Variants in CSMD1 observed in about 807,000 individuals in gnomAD.
The protein encoded by CSMD1 is CUB and sushi domain-containing protein 1.
Under a neutral mutation model 417.5 loss-of-function variants are expected in CSMD1, and 213 were observed. That is an observed-to-expected ratio of 0.51 (90% confidence interval 0.46 to 0.57). The LOEUF (loss-of-function observed/expected upper bound fraction) is 0.57. Ranked by LOEUF, CSMD1 falls within the 20% of genes least tolerant of loss-of-function variation. The probability of loss-of-function intolerance (pLI) is 0.00; values close to 1 mark genes in which losing one functional copy is unlikely to be tolerated. For synonymous variants in CSMD1, 2,862 were observed against 1,736.8 expected (o/e 1.65, Z -16.11); for missense variants, 6,923 against 4,529.7 (o/e 1.53, Z -15.17).
At chr8:3,743,525 A>G (rs1186386709) in intron 6 of CSMD1, among the ~76,000 whole-genome samples, 1 of 152,216 alleles carries the variant, frequency 6.6e-6, no homozygotes, top group Non-Finnish European at 1.5e-5. Context: ...GAAAGAAACA[A>G]GGGTGGTTGC....
chr8:3,033,845 T>C (rs1344125820), intron 50 of CSMD1, among the ~76,000 whole-genome samples: 1 of 152,224 alleles, frequency 6.6e-6, no homozygotes, highest in Non-Finnish European at 1.5e-5. Flanking sequence ...CTTGAATTCC[T>C]ACACAGTGAA....
chr8:4,427,204 G>A (rs924419886), intron 2 of CSMD1, among the ~76,000 whole-genome samples: 26 of 152,288 alleles, frequency 1.7e-4, no homozygotes, highest in South Asian at 8.3e-4. Context: ...ACCATCTAAC[G>A]ATTCCTGAGC....
At chr8:3,034,446 G>A (rs534546119) in intron 50 of CSMD1, among the ~76,000 whole-genome samples, 52 of 152,222 alleles carry the variant, frequency 3.4e-4, no homozygotes, top group African/African-American at 1.2e-3. Context: ...AGAAAAACTG[G>A]AAATAGTTCA....
At chr8:4,349,150 G>A (rs1460274175) in intron 3 of CSMD1, among the ~76,000 whole-genome samples, 1 of 152,194 alleles carries the variant, frequency 6.6e-6, no homozygotes, top group African/African-American at 2.4e-5. Flanking sequence ...TACAGAGCTT[G>A]CATATGTGCT....
chr8:3,691,321 C>G (rs1218135337), intron 7 of CSMD1, among the ~76,000 whole-genome samples: 1 of 151,656 alleles, frequency 6.6e-6, no homozygotes, highest in East Asian at 1.9e-4. Flanking sequence ...GAGCCGGGAT[C>G]GTGCCACTGC....
intron 5 of CSMD1, among the ~76,000 whole-genome samples, chr8:3,776,713 T>C (rs1016905772): frequency 2.0e-5 from 3 of 151,348 alleles, no homozygotes; most frequent in Non-Finnish European, 4.4e-5. Context: ...CCTGGAGAGA[T>C]GATAGATACA....
intron 26 of CSMD1, among the ~76,000 whole-genome samples, chr8:3,256,309 G>GAAAAAA (rs61572877): frequency 2.6e-4 from 21 of 81,436 alleles, no homozygotes; most frequent in Middle Eastern, 6.8e-3. Context: ...TAAGTCTCAA[G>GAAAAAA]AAAAAAAAAA....
chr8:3,577,841 T>A (rs60015037), intron 9 of CSMD1, among the ~76,000 whole-genome samples: 4,393 of 152,290 alleles, frequency 0.029, 212 homozygotes, highest in African/African-American at 0.097. Flanking sequence ...CCTCCTTGCA[T>A]CTAGGGTTTT....
intron 61 of CSMD1, 59 bp downstream of exon 61, chr8:2,962,407 G>A: frequency 6.8e-7 from 1 of 1,463,746 alleles, no homozygotes; most frequent in Admixed American, 1.9e-5. Flanking sequence ...ATTTCGGAAT[G>A]AAGCGTCCTC....
chr8:3,936,645 T>A lies in CSMD1; in HGVS notation c.818+61258A>T, dbSNP rs530620796. ...ACGTACTGCTCAGAAAAAGATTCCT[T>A]TCTAAATATTGCTGCTCTTTAACAA... On this transcript the variant is annotated intron_variant, in intron 5 of 69. Transcript: ENST00000635120. Among the ~76,000 whole-genome samples, 8 of 152,262 alleles carry A rather than the reference T, an allele frequency of 5.3e-5. No individual in the cohort carries two copies. In the South Asian group the frequency reaches 1.7e-3, roughly 32 times the overall value.
At chr8:4,708,402 T>A (rs56953396) in intron 1 of CSMD1, among the ~76,000 whole-genome samples, 1 of 152,320 alleles carries the variant, frequency 6.6e-6, no homozygotes, top group East Asian at 1.9e-4. Flanking sequence ...AAACTGAATA[T>A]GTATCTGGTA....
At chr8:3,020,760 A>T (rs1268981093) in intron 51 of CSMD1, among the ~76,000 whole-genome samples, 1 of 152,104 alleles carries the variant, frequency 6.6e-6, no homozygotes, top group Non-Finnish European at 1.5e-5. Flanking sequence ...CACTACCAGA[A>T]ATTGGGAGGT....
At chr8:4,109,196 A>G (rs750190263) in intron 3 of CSMD1, among the ~76,000 whole-genome samples, 6 of 152,198 alleles carry the variant, frequency 3.9e-5, no homozygotes, top group Non-Finnish European at 7.4e-5. Flanking sequence ...AATAGCCAGA[A>G]AAAAATCCTG....
At chr8:3,399,245 C>G in intron 16 of CSMD1, 146 bp downstream of exon 16, 3 of 657,150 alleles carry the variant, frequency 4.6e-6, no homozygotes, top group South Asian at 2.5e-5. Flanking sequence ...ACAAAACTTA[C>G]AAGTAAGTGC....
At chr8:4,339,979 G>A (rs957189820) in intron 3 of CSMD1, among the ~76,000 whole-genome samples, 1 of 152,058 alleles carries the variant, frequency 6.6e-6, no homozygotes, top group Non-Finnish European at 1.5e-5. Context: ...AGCGGTGATA[G>A]CAACACTGCA....
rs142792277 is a variant in CSMD1, at chr8:4,984,214, C to T, written c.85+10118G>A. Reference sequence around the variant, plus strand: ...TCCAGAACAGCAAGAGTAACCATCACAGGACTTGAAGGGAAAATGTTTAAA... The same window carrying T: ...TCCAGAACAGCAAGAGTAACCATCATAGGACTTGAAGGGAAAATGTTTAAA... On this transcript the variant is annotated intron_variant, in intron 1 of 69. Transcript: ENST00000635120. Among the ~76,000 whole-genome samples, 702 of 152,318 alleles carry T rather than the reference C, an allele frequency of 4.6e-3. 3 individuals carry two copies. Among genetic ancestry groups the T allele is most frequent in the Non-Finnish European group, 7.4e-3 (504 of 68,036 alleles).
At chr8:4,794,552 C>T (rs1188492963) in intron 1 of CSMD1, among the ~76,000 whole-genome samples, 2 of 152,150 alleles carry the variant, frequency 1.3e-5, no homozygotes, top group African/African-American at 4.8e-5. Flanking sequence ...CCCCCACGTC[C>T]ACCTATGTGC....
chr8:3,876,361 A>G (rs1415534164), intron 5 of CSMD1, among the ~76,000 whole-genome samples: 1 of 152,200 alleles, frequency 6.6e-6, no homozygotes, highest in Non-Finnish European at 1.5e-5. Flanking sequence ...TTTCATGTAT[A>G]GTGTTGTCCT....
intron 11 of CSMD1, among the ~76,000 whole-genome samples, chr8:3,469,823 C>A (rs1191720202): frequency 6.6e-6 from 1 of 152,178 alleles, no homozygotes; most frequent in Non-Finnish European, 1.5e-5. Flanking sequence ...CAATGTTACA[C>A]ACAAATTGAA....
Sources: allele counts gnomAD v4.1 joint callset (sites outside exome capture counted in the v4.1 genomes callset), GRCh38; gene constraint gnomAD v4.1.1; transcripts MANE v1.5; gene names NCBI Gene and HGNC (gene_info 2026-07-23, HGNC 2026-07-21).